The following CDYL variants were observed in gnomAD, a reference collection of about 807,000 sequenced individuals.
CDYL encodes the protein chromodomain Y-like protein.
In CDYL, 8 loss-of-function variants were observed where a neutral mutation model predicts 47.3. The ratio of observed to expected loss-of-function variants is 0.17; its 90% CI spans 0.10 to 0.31. The LOEUF (loss-of-function observed/expected upper bound fraction) is 0.31, where lower values mean the gene tolerates loss of function less well. CDYL is among the 10% of genes least tolerant of loss of function. The pLI, the probability that CDYL is intolerant of heterozygous loss-of-function variation, is 1.00. For missense variants in CDYL, 471 were observed against 701.4 expected, an observed-to-expected ratio of 0.67 and a Z score of 3.71; for synonymous variants, 266 against 265.0, an observed-to-expected ratio of 1.00 and a Z score of -0.04.
At chr6:4,815,696 CT>C (rs1222447370) in intron 1 of CDYL, among the ~76,000 whole-genome samples, 120 of 100,386 alleles carry the variant, frequency 1.2e-3, no homozygotes, top group African/African-American at 3.9e-3. Context: ...TTTTTTTTAC[CT>C]TTTTTTTTTC....
At chr6:4,763,244 G>A (rs1758203185) in intron 3 of CDYL, among the ~76,000 whole-genome samples, 1 of 152,098 alleles carries the variant, frequency 6.6e-6, no homozygotes, top group Admixed American at 6.6e-5. Flanking sequence ...AATATTAGAT[G>A]TTTTTATAGC....
intron 1 of CDYL, among the ~76,000 whole-genome samples, chr6:4,852,556 C>T (rs1216411191): frequency 7.6e-6 from 1 of 132,020 alleles, no homozygotes. Flanking sequence ...TCCTTCCTTC[C>T]TTCCAATCTT....
chr6:4,853,118 C>T (rs1760900377), intron 1 of CDYL, among the ~76,000 whole-genome samples: 1 of 152,036 alleles, frequency 6.6e-6, no homozygotes, highest in South Asian at 2.1e-4. Flanking sequence ...TGCCCATACT[C>T]CCTCATTAGT....
chr6:4,946,783 A>T (rs1758533370), intron 5 of CDYL, among the ~76,000 whole-genome samples: 1 of 152,124 alleles, frequency 6.6e-6, no homozygotes, highest in South Asian at 2.1e-4. Flanking sequence ...CACTCCAGGC[A>T]TGCCCTTCCC....
Position 4,820,371 on chromosome 6 carries a change from G to A in CDYL, c.24+43564G>A, listed in dbSNP as rs113490831. ...CTGATGTTAGGCTATAAAGCTAGGC[G>A]TTTCTCCCTCCTCACAGCAAAGTTT... On this transcript the variant is annotated intron_variant, in intron 1 of 6. Transcript: ENST00000397588. 2.2e-4 allele frequency among the ~76,000 whole-genome samples: 33 copies of A among 152,270 alleles called. No homozygotes were observed. In the East Asian group the frequency reaches 4.4e-3, roughly 20 times the overall value.
intron 2 of CDYL, among the ~76,000 whole-genome samples, chr6:4,911,765 C>A (rs1329893039): frequency 6.6e-6 from 1 of 152,178 alleles, no homozygotes; most frequent in African/African-American, 2.4e-5. Flanking sequence ...ACAGGACATC[C>A]ACTTTCAAAT....
At chr6:4,877,450 G>A (rs1264490288) in intron 1 of CDYL, among the ~76,000 whole-genome samples, 3 of 152,164 alleles carry the variant, frequency 2.0e-5, no homozygotes, top group East Asian at 1.9e-4. Context: ...CTCTAAAAAC[G>A]TCATCGCTTT....
At chr6:4,899,322 A>G (rs921915755) in intron 2 of CDYL, among the ~76,000 whole-genome samples, 1 of 152,264 alleles carries the variant, frequency 6.6e-6, no homozygotes, top group Non-Finnish European at 1.5e-5. Context: ...AAAAGGACAT[A>G]TACATTTAAT....
At chr6:4,798,014 CCAGGCTGGAATGCAGTGGCG>C (rs1409364286) in intron 1 of CDYL, among the ~76,000 whole-genome samples, 7 of 151,572 alleles carry the variant, frequency 4.6e-5, no homozygotes, top group Non-Finnish European at 8.8e-5. Flanking sequence ...ATTCTGTTGC[CCAGGCTGGAATGCAGTGGCG>C]CAGTCACAGC....
At chr6:4,783,912 G>C (rs1248824028) in intron 1 of CDYL, among the ~76,000 whole-genome samples, 16 of 152,146 alleles carry the variant, frequency 1.1e-4, no homozygotes, top group Admixed American at 1.0e-3. Flanking sequence ...CTCGAAAATG[G>C]ATTTGGCCAG....
chr6:4,749,677 A>C (rs1009148010), intron 3 of CDYL, among the ~76,000 whole-genome samples: 4 of 152,230 alleles, frequency 2.6e-5, no homozygotes, highest in Non-Finnish European at 4.4e-5. Flanking sequence ...CTAATTAATA[A>C]ATGAGATGTT....
chr6:4,934,590 C>A (rs1279972057), intron 2 of CDYL, among the ~76,000 whole-genome samples: 1 of 152,116 alleles, frequency 6.6e-6, no homozygotes, highest in East Asian at 1.9e-4. Flanking sequence ...CATTTCATTC[C>A]TTTTTTCCCC....
intron 5 of CDYL, among the ~76,000 whole-genome samples, chr6:4,945,390 C>G (rs558437654): frequency 6.6e-6 from 1 of 152,230 alleles, no homozygotes; most frequent in East Asian, 1.9e-4. Flanking sequence ...CAGACTGTGT[C>G]CCCCAGTGCC....
At chr6:4,753,900 T>C (rs1405628683) in intron 3 of CDYL, among the ~76,000 whole-genome samples, 3 of 152,214 alleles carry the variant, frequency 2.0e-5, no homozygotes, top group African/African-American at 7.2e-5. Flanking sequence ...TGGATTCCAT[T>C]GCTCTGTAAC....
Position 4,939,992 on chromosome 6 carries a change from G to A in CDYL, c.1121+2255G>A, listed in dbSNP as rs12661216. On this transcript the variant is annotated intron_variant, in intron 4 of 6. Coordinates refer to ENST00000397588, the MANE Select transcript of CDYL (RefSeq NM_004824.4). ...CTTGTGAGCCCGCTGGTGCCTCGCCGGGTGCAGCTCACTCCTCCCTCCAGC... is the reference window on the plus strand; with the variant it reads ...CTTGTGAGCCCGCTGGTGCCTCGCCAGGTGCAGCTCACTCCTCCCTCCAGC... Among the ~76,000 whole-genome samples the A allele has an allele frequency of 1.6e-3, 235 of 149,730 alleles. 7 individuals are homozygous for A. The East Asian group carries it at 0.035, about 22-fold the overall frequency.
intron 2 of CDYL, among the ~76,000 whole-genome samples, chr6:4,734,118 G>C (rs532009235): frequency 9.4e-4 from 143 of 152,200 alleles, no homozygotes; most frequent in African/African-American, 3.3e-3. Flanking sequence ...GGGATTACAG[G>C]CATGAGCCAC....
chr6:4,806,692 G>A (rs561508129), intron 1 of CDYL, among the ~76,000 whole-genome samples: 14 of 152,274 alleles, frequency 9.2e-5, no homozygotes, highest in Admixed American at 2.0e-4. Context: ...TTCCTTCTGC[G>A]ACGGTTCCTC....
chr6:4,810,085 TC>T (rs35867896), intron 1 of CDYL, among the ~76,000 whole-genome samples: 8 of 152,270 alleles, frequency 5.3e-5, no homozygotes, highest in African/African-American at 1.9e-4. Context: ...ACATACTTTC[TC>T]CCCGTTGGCT....
rs1757405304 is a variant in CDYL, at chr6:4,723,218, A to C, written c.103+7337A>C. ...CATTTACATGGCAGTAGATATTAAGAAATTTAGCGATGATTTAGAGTACAC... is the reference window on the plus strand; with the variant it reads ...CATTTACATGGCAGTAGATATTAAGCAATTTAGCGATGATTTAGAGTACAC... On this transcript the variant is annotated intron_variant, in intron 2 of 8. Coordinates refer to the CDYL transcript ENST00000328908. 2.0e-5 allele frequency among the ~76,000 whole-genome samples: 3 copies of C among 152,200 alleles called. No homozygotes were observed. In the South Asian group the frequency reaches 6.2e-4, roughly 31 times the overall value.
Sources: allele counts gnomAD v4.1 joint callset (sites outside exome capture counted in the v4.1 genomes callset), GRCh38; gene constraint gnomAD v4.1.1; transcripts MANE v1.5; gene names NCBI Gene and HGNC (gene_info 2026-07-23, HGNC 2026-07-21).